The following PYM1 variants were observed in gnomAD, a reference collection of about 807,000 sequenced individuals.
PYM1 encodes the protein PYM1 exon junction complex associated factor.
In PYM1, 7 loss-of-function variants were observed where a neutral mutation model predicts 20.7. The observed-to-expected ratio is 0.34, with a 90% CI of 0.19 to 0.64. The LOEUF (loss-of-function observed/expected upper bound fraction) is 0.64. Among genes scored for constraint, PYM1 ranks in the 30% least tolerant of loss-of-function variants. The probability of loss-of-function intolerance (pLI) is 0.74; values close to 1 mark genes in which losing one functional copy is unlikely to be tolerated. For missense variants in PYM1, 194 were observed against 250.0 expected (o/e 0.78, Z 1.51); for synonymous variants, 100 against 99.2 (o/e 1.01, Z -0.05).
Position 55,905,950 on chromosome 12 carries a change from TTA to T in PYM1, c.38-2472_38-2471del, listed in dbSNP as rs1276528943. 1.4e-4 allele frequency among the ~76,000 whole-genome samples: 18 copies of T among 124,168 alleles called. 1 individual carries two copies. Among genetic ancestry groups the T allele is most frequent in the African/African-American group, 3.6e-5 (1 of 27,560 alleles). 81.5% of individuals were successfully genotyped at this position (124,168 alleles called of 152,430 possible). A position where few individuals can be genotyped will look rare whatever the true frequency, so the allele number is the denominator to read the frequency against. ...ATATATCTAATAGATATATATATTATTATATATATCTAATAGATATATATATT... is the reference window on the plus strand; with the variant it reads ...ATATATCTAATAGATATATATATTATTATATATCTAATAGATATATATATT... On this transcript the variant is annotated intron_variant, in intron 1 of 2. Transcript: ENST00000408946.
At chr12:55,925,958 G>A (rs1592643592) in intron 1 of PYM1, among the ~76,000 whole-genome samples, 1 of 152,338 alleles carries the variant, frequency 6.6e-6, no homozygotes, top group East Asian at 1.9e-4. Context: ...TGAGGTTGGG[G>A]AGAAGTAGCA....
At chr12:55,907,103 T>C (rs1232669240) in intron 1 of PYM1, among the ~76,000 whole-genome samples, 1 of 150,036 alleles carries the variant, frequency 6.7e-6, no homozygotes, top group Non-Finnish European at 1.5e-5. Flanking sequence ...TTAACATATA[T>C]ATATATATAT....
At chr12:55,923,531 C>T (rs562758996) in intron 1 of PYM1, among the ~76,000 whole-genome samples, 30 of 150,808 alleles carry the variant, frequency 2.0e-4, no homozygotes, top group African/African-American at 7.1e-4. Flanking sequence ...CACCACTGCA[C>T]TCCAGCCTGG....
At chr12:55,906,633 C>A (rs1212241350) in intron 1 of PYM1, among the ~76,000 whole-genome samples, 6 of 151,960 alleles carry the variant, frequency 3.9e-5, no homozygotes, top group Admixed American at 2.6e-4. Context: ...GAGTATGGTA[C>A]TATTTTATTT....
At chr12:55,915,420 T>C (rs150374060) in intron 1 of PYM1, among the ~76,000 whole-genome samples, 516 of 151,762 alleles carry the variant, frequency 3.4e-3, no homozygotes, top group African/African-American at 0.012. Flanking sequence ...AAAAGCCTCC[T>C]AGCTGGGCTT....
At chr12:55,926,172 T>C (rs1250128572) in intron 1 of PYM1, among the ~76,000 whole-genome samples, 4 of 152,250 alleles carry the variant, frequency 2.6e-5, no homozygotes, top group African/African-American at 9.6e-5. Context: ...CAGTATTTTA[T>C]AAATTGCTTT....
intron 1 of PYM1, chr12:55,926,934 AG>A: frequency 1.2e-6 from 1 of 862,152 alleles, no homozygotes; most frequent in Non-Finnish European, 1.8e-6. Context: ...GACACCCCGT[AG>A]GAGAGAATGA....
At chr12:55,909,832 CA>C (rs1372666238) in intron 1 of PYM1, among the ~76,000 whole-genome samples, 1 of 152,086 alleles carries the variant, frequency 6.6e-6, no homozygotes, top group African/African-American at 2.4e-5. Context: ...TTACCATAAA[CA>C]GTTACTATCG....
chr12:55,926,342 C>T (rs1883186309), intron 1 of PYM1, among the ~76,000 whole-genome samples: 2 of 152,332 alleles, frequency 1.3e-5, no homozygotes, highest in East Asian at 1.9e-4. Flanking sequence ...GCATCTCGGC[C>T]AGCCAGGCTG....
chr12:55,905,963 A>AGATATATATAATTATATATATCTAT (rs1565714563), intron 1 of PYM1, among the ~76,000 whole-genome samples: 1 of 54,476 alleles, frequency 1.8e-5, no homozygotes, highest in African/African-American at 7.7e-5. Flanking sequence ...TATATATCTA[A>AGATATATATAATTATATATATCTAT]TAGATATATA....
At chr12:55,916,961 G>C (rs1398281430) in intron 1 of PYM1, among the ~76,000 whole-genome samples, 1 of 151,460 alleles carries the variant, frequency 6.6e-6, no homozygotes, top group South Asian at 2.1e-4. Context: ...AATTAGCTGG[G>C]CATGGTGGCG....
chr12:55,927,262 G>T, intron 1 of PYM1: 1 of 1,117,588 alleles, frequency 8.9e-7, no homozygotes, highest in South Asian at 1.3e-5. Context: ...AGGAAGAGTG[G>T]AGAAGCTGAA....
intron 1 of PYM1, among the ~76,000 whole-genome samples, chr12:55,908,662 G>A (rs1882868450): frequency 1.3e-5 from 2 of 151,942 alleles, no homozygotes; most frequent in East Asian, 1.9e-4. Context: ...GACCAGCCTG[G>A]CCAAAATTGT....
intron 1 of PYM1, among the ~76,000 whole-genome samples, chr12:55,907,770 C>A (rs1882849663): frequency 6.6e-6 from 1 of 151,494 alleles, no homozygotes; most frequent in Non-Finnish European, 1.5e-5. Context: ...GAAACCCCAT[C>A]TCCATTAAAA....
intron 1 of PYM1, among the ~76,000 whole-genome samples, chr12:55,905,970 TATATATTATTATATATAATATAAAATAA>T (rs1882807674): frequency 7.8e-6 from 1 of 128,310 alleles, no homozygotes; most frequent in African/African-American, 3.2e-5. Context: ...CTAATAGATA[TATATATTATTATATATAATATAAAATAA>T]ATAAGTTTTC....
At chr12:55,917,752 A>G (rs1883032130) in intron 1 of PYM1, among the ~76,000 whole-genome samples, 1 of 152,014 alleles carries the variant, frequency 6.6e-6, no homozygotes, top group Admixed American at 6.6e-5. Context: ...GCCTGAGGTC[A>G]GGAGTTGGAG....
chr12:55,909,416 G>A (rs1422703522), intron 1 of PYM1, among the ~76,000 whole-genome samples: 1 of 152,194 alleles, frequency 6.6e-6, no homozygotes, highest in Non-Finnish European at 1.5e-5. Flanking sequence ...TTGAATACCA[G>A]TTAAAGATTT....
At chr12:55,923,873 C>T (rs1565718967) in intron 1 of PYM1, among the ~76,000 whole-genome samples, 1 of 151,864 alleles carries the variant, frequency 6.6e-6, no homozygotes, top group Non-Finnish European at 1.5e-5. Flanking sequence ...GTCAGGAGTT[C>T]GAGGCCAACC....
At chr12:55,911,678 T>C (rs745394173) in intron 1 of PYM1, among the ~76,000 whole-genome samples, 3 of 149,828 alleles carry the variant, frequency 2.0e-5, no homozygotes, top group Non-Finnish European at 4.5e-5. Flanking sequence ...CTGTCTCTAG[T>C]AAAAATACAA....
Sources: allele counts gnomAD v4.1 joint callset (sites outside exome capture counted in the v4.1 genomes callset), GRCh38; gene constraint gnomAD v4.1.1; transcripts MANE v1.5; gene names NCBI Gene and HGNC (gene_info 2026-07-23, HGNC 2026-07-21).